The following CCSER2 variants were observed in gnomAD, a reference collection of about 807,000 sequenced individuals.
CCSER2 encodes the protein coiled-coil serine rich protein 2.
In CCSER2, 46 loss-of-function variants were observed where a neutral mutation model predicts 92.3. The observed-to-expected ratio is 0.50, with a 90% CI of 0.39 to 0.64. The LOEUF (loss-of-function observed/expected upper bound fraction) is 0.64. Among genes scored for constraint, CCSER2 ranks in the 30% least tolerant of loss-of-function variants. The pLI, the probability that CCSER2 is intolerant of heterozygous loss-of-function variation, is 0.00. For synonymous variants in CCSER2, 433 were observed against 431.4 expected, an observed-to-expected ratio of 1.00 and a Z score of -0.04; for missense variants, 1,244 against 1,238.9, an observed-to-expected ratio of 1.00 and a Z score of -0.06.
chr10:84,465,251 G>A (rs1365320297), intron 7 of CCSER2, among the ~76,000 whole-genome samples: 4,737 of 30,942 alleles, frequency 0.15, 125 homozygotes, highest in African/African-American at 0.21. Context: ...GTGTGTGTGT[G>A]TGTGTGTGTG....
intron 6 of CCSER2, among the ~76,000 whole-genome samples, chr10:84,457,428 T>C (rs1158645387): frequency 4.1e-5 from 1 of 24,670 alleles, no homozygotes; most frequent in Non-Finnish European, 7.7e-5. Context: ...TATTTAAAAT[T>C]ATATTTATAT....
intron 3 of CCSER2, chr10:84,389,559 A>G: frequency 4.1e-6 from 1 of 241,868 alleles, no homozygotes; most frequent in African/African-American, 2.3e-5. Flanking sequence ...TGTGGCATTG[A>G]CTTTACCTCG....
intron 1 of CCSER2, among the ~76,000 whole-genome samples, chr10:84,332,436 A>ATATATATTTTTTTTTT (rs1401635246): frequency 1.8e-5 from 1 of 55,212 alleles, no homozygotes; most frequent in African/African-American, 1.1e-4. Context: ...ATATATATAT[A>ATATATATTTTTTTTTT]TTTTTTTTTT....
At chr10:84,451,124 G>C (rs1845255608) in intron 6 of CCSER2, among the ~76,000 whole-genome samples, 2 of 152,100 alleles carry the variant, frequency 1.3e-5, no homozygotes, top group Non-Finnish European at 2.9e-5. Context: ...CTTTAGAGCA[G>C]GGTATAATAC....
chr10:84,407,073 A>G (rs1172307907), intron 3 of CCSER2, among the ~76,000 whole-genome samples: 1 of 152,198 alleles, frequency 6.6e-6, no homozygotes, highest in Non-Finnish European at 1.5e-5. Context: ...TGTCAGACTT[A>G]CTGTTCAACA....
rs1462939066 is a variant in CCSER2 at position 84,515,933 on chromosome 10, A to G, written c.*1666A>G. 6.6e-6 allele frequency: 1 copy of G among 152,126 alleles called. No homozygotes were observed. The highest frequency in any genetic ancestry group is 1.5e-5 in the Non-Finnish European group (1 of 68,032). The allele number at this position is 152,126 out of a possible 1,614,324, so 9.4% of individuals were successfully genotyped here. A position where few individuals can be genotyped will look rare whatever the true frequency, so the allele number is the denominator to read the frequency against. On this transcript the variant is annotated 3_prime_UTR_variant, in exon 10 of 10. Transcript: ENST00000372088. ...TAAATCTGCCTTCCTCTTCTCCCAA[A>G]TCATGTCATCTTTAGGTTGTTCACC...
At position 84,332,430 on chromosome 10, in the gene CCSER2, A is replaced by ATTTT. The variant is rs1183571212; in HGVS notation, c.-40+3623_-40+3624insTTTT. Among the ~76,000 whole-genome samples the ATTTT allele has an allele frequency of 7.9e-3, 577 of 72,764 alleles. 25 individuals are homozygous for ATTTT. Among genetic ancestry groups the ATTTT allele is most frequent in the Non-Finnish European group, 0.011 (434 of 41,138 alleles). The allele number at this position is 72,764 out of a possible 152,430, so 47.7% of individuals were successfully genotyped here. ...TATTTTTTTATATATATATATATATATATATATTTTTTTTTTTTTTTTTTT... is the reference window on the plus strand; with the variant it reads ...TATTTTTTTATATATATATATATATATTTTTATATATTTTTTTTTTTTTTTTTTT... On this transcript the variant is annotated intron_variant, in intron 1 of 9. Coordinates refer to ENST00000372088, the MANE Select transcript of CCSER2 (RefSeq NM_001284240.2).
rs1371837821 is a variant in CCSER2 at position 84,443,886 on chromosome 10, AC to A, written c.2064+5180del. Reference sequence around the variant, plus strand: ...AAACCATCATTCTTAGCAAGCTAATACTGGAACAGAAAACCAAACACTGCAT... The same window carrying A: ...AAACCATCATTCTTAGCAAGCTAATATGGAACAGAAAACCAAACACTGCAT... On this transcript the variant is annotated intron_variant, in intron 6 of 9. Coordinates refer to ENST00000372088, the MANE Select transcript of CCSER2 (RefSeq NM_001284240.2). Among the ~76,000 whole-genome samples the A allele has an allele frequency of 2.0e-5, 3 of 152,120 alleles. No homozygotes were observed. The East Asian group carries it at 5.8e-4, about 29-fold the overall frequency.
At chr10:84,369,061 A>G (rs1279471252) in intron 1 of CCSER2, among the ~76,000 whole-genome samples, 4 of 151,344 alleles carry the variant, frequency 2.6e-5, no homozygotes, top group Non-Finnish European at 5.9e-5. Flanking sequence ...TATTTTTTTA[A>G]TTCACTCATT....
chr10:84,452,724 G>A (rs1274065033), intron 6 of CCSER2, among the ~76,000 whole-genome samples: 1 of 152,156 alleles, frequency 6.6e-6, no homozygotes, highest in African/African-American at 2.4e-5. Context: ...GTCAATAAAT[G>A]TTAGCTCTTT....
chr10:84,355,290 ATTTCTG>A (rs1845102518), intron 1 of CCSER2, among the ~76,000 whole-genome samples: 1 of 151,978 alleles, frequency 6.6e-6, no homozygotes, highest in Non-Finnish European at 1.5e-5. Flanking sequence ...CTTCTTATGC[ATTTCTG>A]AAACCCTGTT....
chr10:84,497,726 T>C (rs369897131), intron 9 of CCSER2, among the ~76,000 whole-genome samples: 3 of 152,230 alleles, frequency 2.0e-5, no homozygotes, highest in Non-Finnish European at 2.9e-5. Context: ...TGCGAACTTA[T>C]AGGTACTGTG....
At chr10:84,362,534 C>T (rs1845556609) in intron 1 of CCSER2, among the ~76,000 whole-genome samples, 1 of 152,128 alleles carries the variant, frequency 6.6e-6, no homozygotes, top group African/African-American at 2.4e-5. Flanking sequence ...GTTTAAATTT[C>T]AGGAAGTAAT....
intron 5 of CCSER2, among the ~76,000 whole-genome samples, chr10:84,437,453 A>G (rs1226425162): frequency 6.6e-6 from 1 of 151,974 alleles, no homozygotes; most frequent in Admixed American, 6.6e-5. Context: ...GGCAGAGGTT[A>G]CAATGAGCCA....
intron 1 of CCSER2, among the ~76,000 whole-genome samples, chr10:84,344,342 C>T (rs1277199379): frequency 6.6e-6 from 1 of 151,924 alleles, no homozygotes; most frequent in African/African-American, 2.4e-5. Flanking sequence ...GAATATTTTA[C>T]AAAAGTATTA....
At chr10:84,329,404 C>T (rs948263762) in intron 1 of CCSER2, among the ~76,000 whole-genome samples, 1 of 152,158 alleles carries the variant, frequency 6.6e-6, no homozygotes, top group Non-Finnish European at 1.5e-5. Context: ...AAGCTTGTTT[C>T]CATTTCAGTA....
intron 8 of CCSER2, among the ~76,000 whole-genome samples, chr10:84,476,282 AAATATTATTAAAGTAGAAAT>A (rs1236053248): frequency 3.3e-5 from 5 of 152,146 alleles, no homozygotes; most frequent in African/African-American, 7.2e-5. Context: ...GAATATGGGT[AAATATTATTAAAGTAGAAAT>A]GTATCATTTT....
chr10:84,349,077 C>T (rs1456962696), intron 1 of CCSER2, among the ~76,000 whole-genome samples: 1 of 151,938 alleles, frequency 6.6e-6, no homozygotes, highest in Non-Finnish European at 1.5e-5. Flanking sequence ...GCCCAGTCAC[C>T]TTTATAGTAT....
chr10:84,453,652 G>A (rs1199988478), intron 6 of CCSER2, among the ~76,000 whole-genome samples: 2 of 152,112 alleles, frequency 1.3e-5, no homozygotes, highest in African/African-American at 2.4e-5. Flanking sequence ...TTTTGCCTTT[G>A]ATGTGTGAAT....
Sources: gnomAD v4.1 joint callset for allele counts (sites outside exome capture counted in the v4.1 genomes callset) on GRCh38, gnomAD v4.1.1 for gene constraint, MANE v1.5 for transcripts, NCBI Gene and HGNC (gene_info 2026-07-23, HGNC 2026-07-21) for gene names.